The following TSPAN18 variants were observed in gnomAD, a reference collection of about 807,000 sequenced individuals.
TSPAN18 encodes tetraspanin 18.
TSPAN18 carries 14 observed loss-of-function variants against 27.3 expected under a neutral mutation model. That is an observed-to-expected ratio of 0.51 (90% CI 0.34 to 0.80). The LOEUF (loss-of-function observed/expected upper bound fraction) is 0.80, where lower values mean the gene tolerates loss of function less well. TSPAN18 is among the 30% of genes least tolerant of loss of function. The probability of loss-of-function intolerance (pLI) is 0.01; values close to 1 mark genes in which losing one functional copy is unlikely to be tolerated. For missense variants in TSPAN18, 268 were observed against 323.9 expected, an observed-to-expected ratio of 0.83 and a Z score of 1.32; for synonymous variants, 143 against 136.5, an observed-to-expected ratio of 1.05 and a Z score of -0.33.
At chr11:44,865,251 G>T (rs1280403142) in intron 3 of TSPAN18, among the ~76,000 whole-genome samples, 1 of 152,154 alleles carries the variant, frequency 6.6e-6, no homozygotes, top group African/African-American at 2.4e-5. Context: ...GTGACCTTGG[G>T]CGTGTTATTG....
intron 2 of TSPAN18, among the ~76,000 whole-genome samples, chr11:44,824,687 C>CCG (rs1249619356): frequency 6.6e-6 from 1 of 152,250 alleles, no homozygotes; most frequent in East Asian, 1.9e-4. Flanking sequence ...CACATCCCAG[C>CCG]CGCGGAGGCC....
chr11:44,898,806 A>T lies in TSPAN18; in HGVS notation c.-10-7601A>T, dbSNP rs184710932. On this transcript the variant is annotated intron_variant, in intron 3 of 9. Coordinates refer to ENST00000520358, the MANE Select transcript of TSPAN18 (RefSeq NM_130783.5). ...AGGGCAGAACCCTTGAGATCCGATC[A>T]CCTCTTAAAGGCCCCACCTCTTCAT... 3.9e-5 allele frequency among the ~76,000 whole-genome samples: 6 copies of T among 152,298 alleles called. No homozygotes were observed. The East Asian group carries it at 1.2e-3, about 29-fold the overall frequency.
At chr11:44,866,480 G>A (rs903317871) in intron 3 of TSPAN18, among the ~76,000 whole-genome samples, 2 of 152,190 alleles carry the variant, frequency 1.3e-5, no homozygotes, top group Non-Finnish European at 2.9e-5. Flanking sequence ...GTCTAATGAG[G>A]CCAGGTGGGC....
chr11:44,761,685 ATGGC>A (rs1187260481), intron 1 of TSPAN18, among the ~76,000 whole-genome samples: 1 of 152,186 alleles, frequency 6.6e-6, no homozygotes, highest in African/African-American at 2.4e-5. Context: ...CCTTCCCGGC[ATGGC>A]TGCAGCTTTT....
chr11:44,889,853 T>C (rs1458456247), intron 3 of TSPAN18, among the ~76,000 whole-genome samples: 4 of 152,236 alleles, frequency 2.6e-5, no homozygotes, highest in Non-Finnish European at 4.4e-5. Flanking sequence ...GGGCCCTTCA[T>C]TGAGCCTGCA....
At chr11:44,925,005 A>C (rs1209386996) in intron 8 of TSPAN18, among the ~76,000 whole-genome samples, 2 of 152,246 alleles carry the variant, frequency 1.3e-5, no homozygotes, top group African/African-American at 4.8e-5. Context: ...ACGGACCCCC[A>C]GCCACACTGA....
chr11:44,798,207 C>T (rs1216836525), intron 2 of TSPAN18, among the ~76,000 whole-genome samples: 2 of 152,172 alleles, frequency 1.3e-5, no homozygotes, highest in African/African-American at 4.8e-5. Flanking sequence ...GAGGATTATT[C>T]TGAAGATGGT....
intron 5 of TSPAN18, among the ~76,000 whole-genome samples, chr11:44,915,773 C>G (rs2135355335): frequency 6.6e-6 from 1 of 152,300 alleles, no homozygotes; most frequent in East Asian, 1.9e-4. Flanking sequence ...GAGCTCTGCA[C>G]CTGTGGAGTA....
chr11:44,858,619 T>G (rs899838973), intron 2 of TSPAN18, among the ~76,000 whole-genome samples: 2 of 152,266 alleles, frequency 1.3e-5, no homozygotes, highest in African/African-American at 4.8e-5. Flanking sequence ...TCCATGGATC[T>G]GTTAGTTAGG....
At chr11:44,758,241 G>A (rs908526096) in intron 1 of TSPAN18, among the ~76,000 whole-genome samples, 3 of 152,110 alleles carry the variant, frequency 2.0e-5, no homozygotes, top group Non-Finnish European at 4.4e-5. Flanking sequence ...TATATTTTTA[G>A]TTGAATGTTT....
chr11:44,823,900 C>A (rs945682420), intron 2 of TSPAN18, among the ~76,000 whole-genome samples: 1 of 152,018 alleles, frequency 6.6e-6, no homozygotes, highest in African/African-American at 2.4e-5. Flanking sequence ...TGAAAGAGGC[C>A]CCCCTCTCGG....
chr11:44,829,940 A>G (rs567895264), intron 2 of TSPAN18, among the ~76,000 whole-genome samples: 1 of 152,236 alleles, frequency 6.6e-6, no homozygotes, highest in Non-Finnish European at 1.5e-5. Context: ...AACATGCAAT[A>G]TGAACCAACT....
At chr11:44,928,663 G>T (rs1860456714) in intron 9 of TSPAN18, among the ~76,000 whole-genome samples, 2 of 152,200 alleles carry the variant, frequency 1.3e-5, no homozygotes, top group Non-Finnish European at 2.9e-5. Flanking sequence ...ACGCATGCCT[G>T]TAGTCCCAGC....
At chr11:44,899,438 C>T (rs919192125) in intron 3 of TSPAN18, among the ~76,000 whole-genome samples, 1 of 152,252 alleles carries the variant, frequency 6.6e-6, no homozygotes, top group African/African-American at 2.4e-5. Context: ...TTGCTAGTCT[C>T]AGGAACCCAG....
chr11:44,759,326 A>G (rs1240662088), intron 1 of TSPAN18, among the ~76,000 whole-genome samples: 1 of 152,214 alleles, frequency 6.6e-6, no homozygotes, highest in African/African-American at 2.4e-5. Flanking sequence ...CAAGTGGTAC[A>G]GTGGGGTGAG....
At chr11:44,814,030 A>C (rs1394072771) in intron 2 of TSPAN18, among the ~76,000 whole-genome samples, 1 of 152,252 alleles carries the variant, frequency 6.6e-6, no homozygotes, top group African/African-American at 2.4e-5. Flanking sequence ...GGAAAGCCCA[A>C]ATAGAAAACA....
intron 2 of TSPAN18, among the ~76,000 whole-genome samples, chr11:44,850,679 G>GCC (rs1021554175): frequency 1.3e-5 from 2 of 152,104 alleles, no homozygotes; most frequent in Non-Finnish European, 2.9e-5. Flanking sequence ...AGATGAGAAG[G>GCC]CAGAGGTTCA....
chr11:44,770,588 C>T (rs1395647459), intron 2 of TSPAN18, among the ~76,000 whole-genome samples: 1 of 152,086 alleles, frequency 6.6e-6, no homozygotes, highest in Non-Finnish European at 1.5e-5. Context: ...GATTTTGAAT[C>T]TAAAGACTCT....
intron 2 of TSPAN18, among the ~76,000 whole-genome samples, chr11:44,853,685 G>A (rs1037356130): frequency 5.9e-5 from 9 of 152,134 alleles, no homozygotes; most frequent in Non-Finnish European, 1.3e-4. Flanking sequence ...GGTAACCCCC[G>A]CCCCATGCAC....
Sources: gnomAD v4.1 joint callset for allele counts (sites outside exome capture counted in the v4.1 genomes callset) on GRCh38, gnomAD v4.1.1 for gene constraint, MANE v1.5 for transcripts, NCBI Gene and HGNC (gene_info 2026-07-23, HGNC 2026-07-21) for gene names.